Variants in NLGN1 observed in about 807,000 individuals in gnomAD.
NLGN1 encodes the protein neuroligin 1, also known as neuroligin-1.
Under a neutral mutation model 65.5 loss-of-function variants are expected in NLGN1, and 12 were observed. The observed-to-expected ratio is 0.18, with a 90% CI of 0.12 to 0.30. The LOEUF is 0.30. NLGN1 is among the 10% of genes least tolerant of loss of function. The pLI, the probability that NLGN1 is intolerant of heterozygous loss-of-function variation, is 1.00. For missense variants in NLGN1, 750 were observed against 1,007.1 expected (o/e 0.74, Z 3.46); for synonymous variants, 350 against 359.5 (o/e 0.97, Z 0.30).
intron 4 of NLGN1, among the ~76,000 whole-genome samples, chr3:174,121,559 A>C (rs1282334938): frequency 6.6e-6 from 1 of 152,180 alleles, no homozygotes; most frequent in African/African-American, 2.4e-5. Context: ...ATTAGTTCTA[A>C]ACTAGACTTC....
At chr3:173,761,685 T>G (rs941860032) in intron 3 of NLGN1, among the ~76,000 whole-genome samples, 1 of 152,082 alleles carries the variant, frequency 6.6e-6, no homozygotes, top group African/African-American at 2.4e-5. Context: ...CAGAAATATT[T>G]CTTCTAGTCT....
intron 2 of NLGN1, among the ~76,000 whole-genome samples, chr3:173,553,308 A>T (rs1741186810): frequency 6.6e-6 from 1 of 152,200 alleles, no homozygotes; most frequent in African/African-American, 2.4e-5. Flanking sequence ...GGAAACATCA[A>T]GAAGAGGTTC....
intron 3 of NLGN1, among the ~76,000 whole-genome samples, chr3:173,689,785 G>T (rs1432678935): frequency 6.6e-6 from 1 of 152,060 alleles, no homozygotes; most frequent in African/African-American, 2.4e-5. Flanking sequence ...TAAAAATCCT[G>T]TTCTCAAAAA....
intron 4 of NLGN1, among the ~76,000 whole-genome samples, chr3:173,839,491 C>T (rs1021565518): frequency 6.6e-6 from 1 of 151,390 alleles, no homozygotes; most frequent in Non-Finnish European, 1.5e-5. Context: ...GGCGTGACCT[C>T]AGCTCACTGC....
At position 174,126,539 on chromosome 3, in the gene NLGN1, C is replaced by A. The variant is rs73186533; in HGVS notation, c.647-148776C>A. Reference sequence around the variant, plus strand: ...TTTATGTAACTTAATTGTTAGGATACCATGTGTGGTAATAAATTCTTCCTC... The same window carrying A: ...TTTATGTAACTTAATTGTTAGGATAACATGTGTGGTAATAAATTCTTCCTC... On this transcript the variant is annotated intron_variant, in intron 4 of 6. Transcript: ENST00000457714. Among the ~76,000 whole-genome samples the A allele has an allele frequency of 8.2e-3, 1,244 of 152,188 alleles. 9 individuals are homozygous for A. Among genetic ancestry groups the A allele is most frequent in the Admixed American group, 0.013 (193 of 15,268 alleles).
intron 2 of NLGN1, among the ~76,000 whole-genome samples, chr3:173,447,993 C>T (rs1311718942): frequency 2.0e-5 from 3 of 152,184 alleles, no homozygotes; most frequent in Admixed American, 2.0e-4. Flanking sequence ...GATATACAAT[C>T]ATGTCATCTG....
intron 2 of NLGN1, among the ~76,000 whole-genome samples, chr3:173,484,509 T>C (rs901991976): frequency 6.6e-6 from 1 of 152,048 alleles, no homozygotes; most frequent in African/African-American, 2.4e-5. Context: ...GGCAAAAAAA[T>C]TCACAGACTG....
intron 4 of NLGN1, among the ~76,000 whole-genome samples, chr3:174,107,430 C>A (rs1714197456): frequency 6.6e-6 from 1 of 152,102 alleles, no homozygotes; most frequent in Non-Finnish European, 1.5e-5. Context: ...TAGTATATTT[C>A]TGTAGAGATT....
chr3:173,589,803 A>G (rs992725843), intron 2 of NLGN1, among the ~76,000 whole-genome samples: 1 of 152,074 alleles, frequency 6.6e-6, no homozygotes, highest in African/African-American at 2.4e-5. Context: ...TCCCTGACAC[A>G]CCCAATGAAT....
At chr3:173,802,381 A>C (rs1715623154) in intron 3 of NLGN1, among the ~76,000 whole-genome samples, 1 of 152,198 alleles carries the variant, frequency 6.6e-6, no homozygotes, top group African/African-American at 2.4e-5. Context: ...TGAATCAATA[A>C]ATATTTTTAA....
At chr3:173,747,505 G>C (rs1405966452) in intron 3 of NLGN1, among the ~76,000 whole-genome samples, 2 of 150,008 alleles carry the variant, frequency 1.3e-5, no homozygotes, top group East Asian at 3.9e-4. Flanking sequence ...TTCTTAGGAT[G>C]GTTTGTCCCT....
At chr3:174,244,990 T>G (rs996539589) in intron 4 of NLGN1, among the ~76,000 whole-genome samples, 2 of 152,324 alleles carry the variant, frequency 1.3e-5, no homozygotes, top group South Asian at 4.1e-4. Flanking sequence ...CTGGGATTAT[T>G]GTCTGACATC....
chr3:174,011,138 G>A (rs1725475720), intron 4 of NLGN1, among the ~76,000 whole-genome samples: 1 of 152,106 alleles, frequency 6.6e-6, no homozygotes. Flanking sequence ...AGTCACTGTG[G>A]ACAACATACT....
intron 4 of NLGN1, among the ~76,000 whole-genome samples, chr3:174,151,027 T>G (rs901530029): frequency 6.6e-6 from 1 of 151,948 alleles, no homozygotes; most frequent in Admixed American, 6.6e-5. Context: ...CATAGACTTT[T>G]TTTTTCCCCC....
intron 4 of NLGN1, among the ~76,000 whole-genome samples, chr3:174,235,686 A>G (rs1741578014): frequency 6.6e-6 from 1 of 152,118 alleles, no homozygotes; most frequent in Non-Finnish European, 1.5e-5. Context: ...ATATAGTTGC[A>G]CTTTCCTTTT....
chr3:173,412,302 TCTCA>T (rs1712731833), intron 1 of NLGN1, among the ~76,000 whole-genome samples: 1 of 131,314 alleles, frequency 7.6e-6, no homozygotes, highest in African/African-American at 3.0e-5. Flanking sequence ...ATGCATTCTC[TCTCA>T]CTCTGACACA....
intron 4 of NLGN1, among the ~76,000 whole-genome samples, chr3:174,229,219 A>C (rs1210388151): frequency 6.6e-6 from 1 of 152,132 alleles, no homozygotes; most frequent in Non-Finnish European, 1.5e-5. Context: ...AAGTATGCCA[A>C]AAGTGAAAAA....
chr3:174,149,657 A>G (rs1299501267), intron 4 of NLGN1, among the ~76,000 whole-genome samples: 1 of 152,166 alleles, frequency 6.6e-6, no homozygotes, highest in East Asian at 1.9e-4. Flanking sequence ...CATTAAAGAA[A>G]TATTGATAAA....
intron 3 of NLGN1, among the ~76,000 whole-genome samples, chr3:173,654,112 A>G (rs1759617185): frequency 6.6e-6 from 1 of 152,198 alleles, no homozygotes; most frequent in African/African-American, 2.4e-5. Context: ...TTTGACAAAA[A>G]CTGAATAATT....
Sources: gnomAD v4.1 joint callset for allele counts (sites outside exome capture counted in the v4.1 genomes callset) on GRCh38, gnomAD v4.1.1 for gene constraint, MANE v1.5 for transcripts, NCBI Gene and HGNC (gene_info 2026-07-23, HGNC 2026-07-21) for gene names.